Variants in LOC128462377 observed in about 807,000 individuals in gnomAD.
the LOC128462377 span, among the ~76,000 whole-genome samples, chr16:89,383,903 G>A: frequency 2.6e-5 from 4 of 152,138 alleles, no homozygotes; most frequent in African/African-American, 9.7e-5. Flanking sequence ...ACACCCGCTA[G>A]GGCCTTGTCA....
the LOC128462377 span, among the ~76,000 whole-genome samples, chr16:89,334,729 C>T: frequency 3.9e-5 from 6 of 152,106 alleles, no homozygotes; most frequent in East Asian, 1.9e-4. Flanking sequence ...CCGCCAACCA[C>T]GTCATACCAC....
At chr16:89,379,259 A>G in the LOC128462377 span, among the ~76,000 whole-genome samples, 7 of 152,156 alleles carry the variant, frequency 4.6e-5, no homozygotes, top group African/African-American at 1.4e-4. Context: ...TTTTAATCCT[A>G]TCTTGAAAAC....
At chr16:89,367,195 G>A in the LOC128462377 span, among the ~76,000 whole-genome samples, 671 of 152,288 alleles carry the variant, frequency 4.4e-3, 4 homozygotes, top group African/African-American at 0.015. Flanking sequence ...ATCCCCCTTC[G>A]TGTTTCCCAT....
chr16:89,395,464 C>T, the LOC128462377 span, among the ~76,000 whole-genome samples: 1 of 152,240 alleles, frequency 6.6e-6, no homozygotes, highest in African/African-American at 2.4e-5. Flanking sequence ...GGCTGGGACA[C>T]GTGCTGCTTC....
chr16:89,363,062 G>A, the LOC128462377 span, among the ~76,000 whole-genome samples: 1 of 152,008 alleles, frequency 6.6e-6, no homozygotes, highest in African/African-American at 2.4e-5. Flanking sequence ...TCTGCAGAAG[G>A]TATAAAAAAT....
the LOC128462377 span, among the ~76,000 whole-genome samples, chr16:89,381,327 G>C: frequency 1.1e-5 from 1 of 89,486 alleles, no homozygotes; most frequent in Non-Finnish European, 2.0e-5. Flanking sequence ...GCGAGACTCT[G>C]CTGCAAAAAA....
At chr16:89,386,869 A>C in the LOC128462377 span, among the ~76,000 whole-genome samples, 4 of 152,240 alleles carry the variant, frequency 2.6e-5, no homozygotes, top group Middle Eastern at 0.01. Flanking sequence ...GTGCGAACAG[A>C]CAAGCCCTGA....
At chr16:89,371,073 G>A in the LOC128462377 span, among the ~76,000 whole-genome samples, 27 of 152,318 alleles carry the variant, frequency 1.8e-4, no homozygotes, top group South Asian at 5.2e-3. Context: ...GTTCAGGTGA[G>A]AAACGTTCAA....
the LOC128462377 span, among the ~76,000 whole-genome samples, chr16:89,391,829 A>G: frequency 5.9e-5 from 9 of 152,238 alleles, no homozygotes; most frequent in East Asian, 3.9e-4. Flanking sequence ...AAAGACCTGT[A>G]CTGACATTCT....
the LOC128462377 span, among the ~76,000 whole-genome samples, chr16:89,383,164 G>GC: frequency 2.0e-5 from 3 of 152,244 alleles, no homozygotes; most frequent in Non-Finnish European, 4.4e-5. Flanking sequence ...AGCCGCCTGT[G>GC]CTGCTGAGTA....
the LOC128462377 span, among the ~76,000 whole-genome samples, chr16:89,385,632 A>G: frequency 6.6e-6 from 1 of 152,216 alleles, no homozygotes; most frequent in Non-Finnish European, 1.5e-5. Context: ...ACGATGATGC[A>G]TTTCCACATT....
At chr16:89,391,450 T>G in the LOC128462377 span, among the ~76,000 whole-genome samples, 1 of 152,118 alleles carries the variant, frequency 6.6e-6, no homozygotes, top group Non-Finnish European at 1.5e-5. Context: ...CCAGCTGGTG[T>G]CCGCCACAGA....
At chr16:89,347,293 T>C in the LOC128462377 span, among the ~76,000 whole-genome samples, 1 of 152,166 alleles carries the variant, frequency 6.6e-6, no homozygotes, top group Non-Finnish European at 1.5e-5. Context: ...TGTATGTGTG[T>C]ACGTGAACAT....
the LOC128462377 span, among the ~76,000 whole-genome samples, chr16:89,415,261 CTTTTTTT>C: frequency 2.4e-5 from 2 of 84,532 alleles, no homozygotes; most frequent in African/African-American, 1.0e-4. Flanking sequence ...GCCAGCTATT[CTTTTTTT>C]TTTTTTTTTT....
At chr16:89,374,812 C>A in the LOC128462377 span, among the ~76,000 whole-genome samples, 3 of 152,160 alleles carry the variant, frequency 2.0e-5, no homozygotes, top group African/African-American at 7.2e-5. Context: ...AACACCACGG[C>A]TTGGCTGCAC....
the LOC128462377 span, among the ~76,000 whole-genome samples, chr16:89,391,190 T>C: frequency 2.8e-5 from 4 of 141,542 alleles, no homozygotes; most frequent in Admixed American, 3.0e-4. Flanking sequence ...ATCGCGCCAC[T>C]GAACTCCAGC....
the LOC128462377 span, among the ~76,000 whole-genome samples, chr16:89,415,198 C>T: frequency 6.6e-6 from 1 of 151,582 alleles, no homozygotes; most frequent in African/African-American, 2.4e-5. Flanking sequence ...AAGTGATCTA[C>T]CCACCCCTTC....
the LOC128462377 span, chr16:89,360,411 C>G: frequency 2.0e-5 from 3 of 152,156 alleles, no homozygotes; most frequent in Non-Finnish European, 2.9e-5. Context: ...ATCTTCATCA[C>G]TTGATAAACA....
chr16:89,386,274 AC>A, the LOC128462377 span, among the ~76,000 whole-genome samples: 1 of 151,954 alleles, frequency 6.6e-6, no homozygotes, highest in Non-Finnish European at 1.5e-5. Flanking sequence ...AAAATCAGTC[AC>A]TTTTTTTTTT....
Sources: allele counts gnomAD v4.1 joint callset (sites outside exome capture counted in the v4.1 genomes callset), GRCh38; gene constraint gnomAD v4.1.1; transcripts MANE v1.5.